Variants in PI15 observed in about 807,000 individuals in gnomAD.
PI15 encodes the protein 25 kDa trypsin inhibitor.
In PI15, 18 loss-of-function variants were observed where a neutral mutation model predicts 31.0. The observed-to-expected ratio is 0.58, with a 90% CI of 0.40 to 0.86. PI15 has a LOEUF of 0.86. Ranked by LOEUF, PI15 falls within the 40% of genes least tolerant of loss-of-function variation. The probability of loss-of-function intolerance (pLI) is 0.00; values close to 1 mark genes in which losing one functional copy is unlikely to be tolerated. For synonymous variants in PI15, 118 were observed against 119.1 expected, an observed-to-expected ratio of 0.99 and a Z score of 0.06; for missense variants, 282 against 328.1, an observed-to-expected ratio of 0.86 and a Z score of 1.09.
intron 5 of PI15, chr8:74,846,020 C>A (rs1323182488): frequency 6.5e-6 from 1 of 154,044 alleles, no homozygotes; most frequent in Non-Finnish European, 1.4e-5. Flanking sequence ...TATTTGTGAA[C>A]ATTATTTATG....
chr8:74,825,906 A>G (rs1054829596), intron 2 of PI15, among the ~76,000 whole-genome samples: 2 of 152,116 alleles, frequency 1.3e-5, no homozygotes, highest in Non-Finnish European at 2.9e-5. Context: ...TCTCACAGTC[A>G]TATTTATCAG....
rs1306338675 is a variant in PI15, at chr8:74,837,267, CCTT to C, written c.274-6711_274-6709del. Among the ~76,000 whole-genome samples, 5 of 152,150 alleles carry C rather than the reference CCTT, an allele frequency of 3.3e-5. No homozygotes were observed. The East Asian group carries it at 5.8e-4, about 18-fold the overall frequency. ...TTAAATCAAGTTTCTTTAATCCTCT[CCTT>C]CTACTCTTACAGAGAACTATTTTAA... On this transcript the variant is annotated intron_variant, in intron 2 of 5. Coordinates refer to ENST00000260113, the MANE Select transcript of PI15 (RefSeq NM_015886.5).
chr8:74,840,738 G>C (rs985187045), intron 2 of PI15, among the ~76,000 whole-genome samples: 4 of 152,152 alleles, frequency 2.6e-5, no homozygotes, highest in Admixed American at 2.0e-4. Flanking sequence ...GTGGGAGTCT[G>C]ACAGTACCTG....
chr8:74,848,054 T>TAAAAACA (rs1195918226), intron 5 of PI15, among the ~76,000 whole-genome samples: 2 of 152,212 alleles, frequency 1.3e-5, no homozygotes, highest in South Asian at 2.1e-4. Context: ...TATGGCATCA[T>TAAAAACA]GGCAGTTTTT....
intron 2 of PI15, among the ~76,000 whole-genome samples, chr8:74,828,701 C>G (rs546584855): frequency 6.6e-6 from 1 of 152,124 alleles, no homozygotes; most frequent in Admixed American, 6.6e-5. Context: ...CTGTGATCAC[C>G]AGCTGTGTGT....
intron 2 of PI15, among the ~76,000 whole-genome samples, chr8:74,828,081 G>A (rs948727597): frequency 1.3e-5 from 2 of 152,108 alleles, no homozygotes; most frequent in South Asian, 4.1e-4. Flanking sequence ...ATACATTCAT[G>A]AATAAAATAG....
In PI15 at chr8:74,849,243, G is replaced by A. The variant is rs1271034686; in HGVS notation, c.767G>A (p.Trp256Ter). 4 of 1,610,424 alleles carry A rather than the reference G, an allele frequency of 2.5e-6. No homozygotes were observed. The highest frequency in any genetic ancestry group is 2.2e-5 in the East Asian group (1 of 44,692). ...FPGVTSNYLY[W>*]FK The stretch of plus-strand genomic sequence containing the variant: ...GGAGTTACGTCAAACTACCTGTACT[G>A]GTTTAAATAAGTTTACCTTTTCCTC... The change falls in exon 6 of 6, where the codon TGG becomes TAG. Residue 256 changes from tryptophan to a stop codon, truncating the protein, a stop_gained. Coordinates refer to ENST00000260113, the MANE Select transcript of PI15 (RefSeq NM_015886.5). LOFTEE classifies it high-confidence loss of function.
chr8:74,849,195 G>A lies in PI15; in HGVS notation c.719G>A (p.Cys240Tyr), dbSNP rs1811069821. Reference sequence around the variant, plus strand: ...TGTCCTCCAAGTTATGGGGGATCTTGTACTGACAATCTGTGTTTTCCAGGA... The same window carrying A: ...TGTCCTCCAAGTTATGGGGGATCTTATACTGACAATCTGTGTTTTCCAGGA... ...SSCPPSYGGS[C>Y]TDNLCFPGVT... The change falls in exon 6 of 6, where the codon TGT becomes TAT. Residue 240 changes from cysteine to tyrosine, a missense_variant. Transcript: ENST00000260113. 6.2e-7 allele frequency: 1 copy of A among 1,612,258 alleles called. No individual in the cohort carries two copies. The highest frequency in any genetic ancestry group is 8.5e-7 in the Non-Finnish European group (1 of 1,178,484).
At chr8:74,825,574 A>G (rs1194801882) in intron 2 of PI15, 52 bp downstream of exon 2, 3 of 1,434,046 alleles carry the variant, frequency 2.1e-6, no homozygotes, top group African/African-American at 1.4e-5. Flanking sequence ...AAAGCTTTAT[A>G]TTGTACATCT....
intron 2 of PI15, among the ~76,000 whole-genome samples, chr8:74,838,246 G>T (rs187291466): frequency 1.3e-5 from 2 of 151,572 alleles, no homozygotes; most frequent in African/African-American, 4.8e-5. Flanking sequence ...CATTGAAAAT[G>T]ATAAGAAATC....
chr8:74,835,719 A>C (rs1228880724), intron 2 of PI15, among the ~76,000 whole-genome samples: 1 of 152,220 alleles, frequency 6.6e-6, no homozygotes, highest in Non-Finnish European at 1.5e-5. Context: ...AAAACTTCAA[A>C]AGAAGCAAAT....
chr8:74,832,007 G>T (rs142671246), intron 2 of PI15, among the ~76,000 whole-genome samples: 1,663 of 152,126 alleles, frequency 0.011, 27 homozygotes, highest in African/African-American at 0.036. Context: ...TTCAAGCAGG[G>T]AAGTTATATA....
Position 74,849,556 on chromosome 8 carries a change from C to A in PI15, c.*303C>A. On this transcript the variant is annotated 3_prime_UTR_variant, in exon 6 of 6. Transcript: ENST00000260113. ...TCCAAAGGAATTATATCATTATGTT[C>A]CTAAGGAGTAAATATATATTTGACC... 4.3e-6 allele frequency: 1 copy of A among 231,394 alleles called. No individual in the cohort carries two copies. Among genetic ancestry groups the A allele is most frequent in the Non-Finnish European group, 8.4e-6 (1 of 118,916 alleles). 14.3% of individuals were successfully genotyped at this position (231,394 alleles called of 1,614,324 possible). A position where few individuals can be genotyped will look rare whatever the true frequency, so the allele number is the denominator to read the frequency against.
intron 5 of PI15, among the ~76,000 whole-genome samples, chr8:74,847,467 G>C (rs1811042431): frequency 6.6e-6 from 1 of 151,126 alleles, no homozygotes; most frequent in Admixed American, 6.6e-5. Context: ...AAAATACATA[G>C]AGGGAAATAA....
rs779432296 is a variant in PI15 at position 74,845,180 on chromosome 8, T to C, written c.445T>C (p.Tyr149His). Reference sequence around the variant, plus strand: ...GCCATGGTATGATGAAGTGAAAGATTATGCTTTTCCATATCCCCAGGATTG... The same window carrying C: ...GCCATGGTATGATGAAGTGAAAGATCATGCTTTTCCATATCCCCAGGATTG... ...VKPWYDEVKD[Y>H]AFPYPQDCNP... The change falls in exon 4 of 6, where the codon TAT (tyrosine) becomes CAT (histidine). Residue 149 changes from tyrosine to histidine, a missense_variant. Transcript: ENST00000260113. The C allele has an allele frequency of 2.5e-6, 4 of 1,612,644 alleles. No individual in the cohort carries two copies. The highest frequency in any genetic ancestry group is 1.6e-4 in the Middle Eastern group (1 of 6,082).
chr8:74,826,512 T>C (rs1490299070), intron 2 of PI15, among the ~76,000 whole-genome samples: 1 of 152,126 alleles, frequency 6.6e-6, no homozygotes, highest in East Asian at 1.9e-4. Flanking sequence ...AACTAAAGAC[T>C]TGCTAAATGA....
At chr8:74,835,150 G>A (rs1187369230) in intron 2 of PI15, among the ~76,000 whole-genome samples, 2 of 151,972 alleles carry the variant, frequency 1.3e-5, no homozygotes, top group African/African-American at 4.8e-5. Context: ...TTGAGCTCCA[G>A]ATATTCACAA....
chr8:74,838,313 T>A (rs1393902776), intron 2 of PI15, among the ~76,000 whole-genome samples: 1 of 152,128 alleles, frequency 6.6e-6, no homozygotes, highest in Non-Finnish European at 1.5e-5. Context: ...AGGACTAACA[T>A]GTTACTGTAA....
chr8:74,836,012 G>A (rs1330577436), intron 2 of PI15, among the ~76,000 whole-genome samples: 1 of 152,176 alleles, frequency 6.6e-6, no homozygotes, highest in African/African-American at 2.4e-5. Context: ...AGTGGTTATA[G>A]TCTAGAGATA....
Sources: allele counts gnomAD v4.1 joint callset (sites outside exome capture counted in the v4.1 genomes callset), GRCh38; gene constraint gnomAD v4.1.1; transcripts MANE v1.5; gene names NCBI Gene and HGNC (gene_info 2026-07-23, HGNC 2026-07-21).